Variants in DIP2C observed in about 807,000 individuals in gnomAD.
DIP2C encodes the protein DIP2 acetate--CoA ligase C (putative).
Under a neutral mutation model 192.4 loss-of-function variants are expected in DIP2C, and 33 were observed. The observed-to-expected ratio is 0.17, with a 90% CI of 0.13 to 0.23. The LOEUF (loss-of-function observed/expected upper bound fraction) is 0.23. Ranked by LOEUF, DIP2C falls within the 10% of genes least tolerant of loss-of-function variation. The pLI, the probability that DIP2C is intolerant of heterozygous loss-of-function variation, is 1.00. For missense variants in DIP2C, 1,537 were observed against 2,110.1 expected (o/e 0.73, Z 5.32); for synonymous variants, 979 against 864.1 (o/e 1.13, Z -2.33).
chr10:632,081 G>A (rs1288595655), intron 1 of DIP2C, among the ~76,000 whole-genome samples: 1 of 152,202 alleles, frequency 6.6e-6, no homozygotes, highest in African/African-American at 2.4e-5. Flanking sequence ...TTTTATGAAA[G>A]AAAAGCGAAA....
chr10:522,277 T>C, intron 1 of DIP2C, among the ~76,000 whole-genome samples: 1 of 152,364 alleles, frequency 6.6e-6, no homozygotes, highest in Middle Eastern at 3.4e-3. Context: ...CTTTTTAGTG[T>C]TGAATAATAT....
intron 1 of DIP2C, among the ~76,000 whole-genome samples, chr10:526,146 C>A (rs1031347239): frequency 6.6e-6 from 1 of 152,158 alleles, no homozygotes; most frequent in African/African-American, 2.4e-5. Flanking sequence ...GAAACAGGAC[C>A]GACCGGGGCT....
chr10:375,347 C>T (rs1250417238), intron 17 of DIP2C, among the ~76,000 whole-genome samples: 1 of 152,228 alleles, frequency 6.6e-6, no homozygotes, highest in Non-Finnish European at 1.5e-5. Flanking sequence ...TGATCATAAG[C>T]TTCCTGAGGC....
At chr10:599,509 AAGC>A (rs1851921205) in intron 1 of DIP2C, among the ~76,000 whole-genome samples, 1 of 152,234 alleles carries the variant, frequency 6.6e-6, no homozygotes, top group Admixed American at 6.5e-5. Flanking sequence ...CAGTCGAAGG[AAGC>A]AGCAGTGGTC....
rs548108483 is a variant in DIP2C, at chr10:647,882, C to T, written c.85+41612G>A. ...AGAGAACAGAGGGAAACTGAGTCCA[C>T]GTCGACATTGGATGGTGGGAGAGAA... On this transcript the variant is annotated intron_variant, in intron 1 of 36. Transcript: ENST00000280886. Among the ~76,000 whole-genome samples, 14 of 149,532 alleles carry T rather than the reference C, an allele frequency of 9.4e-5. No homozygotes were observed. The East Asian group carries it at 2.5e-3, about 26-fold the overall frequency.
intron 1 of DIP2C, among the ~76,000 whole-genome samples, chr10:586,511 C>A (rs990187668): frequency 6.6e-6 from 1 of 152,140 alleles, no homozygotes; most frequent in African/African-American, 2.4e-5. Context: ...TCATGGTAAA[C>A]CCTCCAGGCA....
At chr10:390,709 C>T in intron 11 of DIP2C, 31 bp downstream of exon 11, 2 of 1,604,580 alleles carry the variant, frequency 1.2e-6, no homozygotes, top group Middle Eastern at 1.7e-4. Context: ...AGGACGTGGG[C>T]ATGCGAGCTC....
At chr10:351,436 A>G (rs1344210376) in intron 24 of DIP2C, among the ~76,000 whole-genome samples, 1 of 152,140 alleles carries the variant, frequency 6.6e-6, no homozygotes, top group African/African-American at 2.4e-5. Context: ...CAGGGCCAGG[A>G]CCAGGGCTGC....
intron 1 of DIP2C, among the ~76,000 whole-genome samples, chr10:670,875 G>A (rs1046341600): frequency 3.3e-5 from 5 of 152,184 alleles, no homozygotes; most frequent in Non-Finnish European, 7.3e-5. Context: ...GTTATACCAG[G>A]TGGAAAAGTA....
chr10:350,845 A>G (rs1958764367), intron 24 of DIP2C, among the ~76,000 whole-genome samples: 1 of 152,040 alleles, frequency 6.6e-6, no homozygotes, highest in Non-Finnish European at 1.5e-5. Flanking sequence ...TGGGGGTTTC[A>G]CTATGTTGGC....
chr10:649,258 G>C (rs1027407271), intron 1 of DIP2C, among the ~76,000 whole-genome samples: 4 of 149,392 alleles, frequency 2.7e-5, no homozygotes, highest in Non-Finnish European at 4.5e-5. Context: ...CGAGAACAGA[G>C]GAAAACTGAG....
At chr10:286,738 T>C (rs1955156488) in intron 33 of DIP2C, among the ~76,000 whole-genome samples, 1 of 152,206 alleles carries the variant, frequency 6.6e-6, no homozygotes, top group Admixed American at 6.5e-5. Flanking sequence ...GTTGTTTCAA[T>C]GAAGTTATTT....
intron 7 of DIP2C, among the ~76,000 whole-genome samples, chr10:414,730 TGTGTGTGTGTA>T (rs1564679802): frequency 8.7e-4 from 74 of 85,084 alleles, no homozygotes; most frequent in Non-Finnish European, 1.3e-3. Flanking sequence ...TGTGTGTGTG[TGTGTGTGTGTA>T]CATATATATA....
At chr10:310,277 G>A (rs941613878) in intron 31 of DIP2C, among the ~76,000 whole-genome samples, 185 bp from the exon 32 acceptor site, 1 of 152,148 alleles carries the variant, frequency 6.6e-6, no homozygotes, top group African/African-American at 2.4e-5. Flanking sequence ...AATTCCAGAA[G>A]GAATATCTTA....
intron 1 of DIP2C, among the ~76,000 whole-genome samples, chr10:552,572 C>T (rs890103635): frequency 3.3e-5 from 5 of 152,184 alleles, no homozygotes; most frequent in South Asian, 2.1e-4. Flanking sequence ...AACACCTGGC[C>T]GGGTGCAGTG....
intron 34 of DIP2C, among the ~76,000 whole-genome samples, chr10:284,648 A>G (rs1236198771): frequency 2.0e-5 from 3 of 152,334 alleles, no homozygotes; most frequent in East Asian, 3.9e-4. Flanking sequence ...GAGGGCAAAC[A>G]GGTTATGGGG....
chr10:433,028 G>A (rs929202446), intron 4 of DIP2C, among the ~76,000 whole-genome samples: 1 of 152,054 alleles, frequency 6.6e-6, no homozygotes, highest in Non-Finnish European at 1.5e-5. Flanking sequence ...GTGTTTTATG[G>A]ACCAAAACGT....
intron 28 of DIP2C, among the ~76,000 whole-genome samples, chr10:343,650 A>G (rs1276727373): frequency 2.6e-5 from 4 of 152,222 alleles, no homozygotes; most frequent in African/African-American, 9.6e-5. Flanking sequence ...ACATCCATCC[A>G]GACTCCTGCC....
At chr10:294,443 CA>C (rs1955647407) in intron 32 of DIP2C, among the ~76,000 whole-genome samples, 1 of 151,856 alleles carries the variant, frequency 6.6e-6, no homozygotes, top group African/African-American at 2.4e-5. Flanking sequence ...CCCATCTCTA[CA>C]AAAAATGCAA....
Sources: allele counts gnomAD v4.1 joint callset (sites outside exome capture counted in the v4.1 genomes callset), GRCh38; gene constraint gnomAD v4.1.1; transcripts MANE v1.5; gene names NCBI Gene and HGNC (gene_info 2026-07-23, HGNC 2026-07-21).